Variants in JHY observed in about 807,000 individuals in gnomAD.
JHY encodes the protein junctional cadherin complex regulator, also known as jhy protein homolog.
Under a neutral mutation model 78.0 loss-of-function variants are expected in JHY, and 69 were observed. That is an observed-to-expected ratio of 0.88 (90% CI 0.73 to 1.08). The LOEUF (loss-of-function observed/expected upper bound fraction) is 1.08. Among genes scored for constraint, JHY ranks in the 50% least tolerant of loss-of-function variants. The pLI is 0.00. For missense variants in JHY, 944 were observed against 927.8 expected (o/e 1.02, Z -0.23); for synonymous variants, 368 against 342.6 (o/e 1.07, Z -0.82).
At chr11:122,897,285 C>T (rs1194534498) in intron 2 of JHY, among the ~76,000 whole-genome samples, 1 of 151,896 alleles carries the variant, frequency 6.6e-6, no homozygotes, top group Non-Finnish European at 1.5e-5. Context: ...AGTGCAGTGG[C>T]ACAGTCATGG....
intron 2 of JHY, among the ~76,000 whole-genome samples, chr11:122,895,874 A>G (rs1483493833): frequency 6.6e-6 from 1 of 152,222 alleles, no homozygotes; most frequent in African/African-American, 2.4e-5. Flanking sequence ...CTTCAGTATC[A>G]TGTTCTATTT....
intron 5 of JHY, among the ~76,000 whole-genome samples, chr11:122,944,426 A>G (rs1258250968): frequency 6.6e-6 from 1 of 152,164 alleles, no homozygotes; most frequent in Non-Finnish European, 1.5e-5. Context: ...GTACTTAACT[A>G]GTCTAGCATT....
chr11:122,951,780 A>G (rs1395457176), intron 6 of JHY, among the ~76,000 whole-genome samples: 1 of 152,194 alleles, frequency 6.6e-6, no homozygotes, highest in African/African-American at 2.4e-5. Context: ...ATCTTCCACT[A>G]AAGCAATCAA....
rs1010679878 is a variant in JHY, at chr11:122,962,502, C to G, written c.*3057C>G. On this transcript the variant is annotated 3_prime_UTR_variant, in exon 9 of 9. Transcript: ENST00000227349. The stretch of plus-strand genomic sequence containing the variant: ...AAAATGTAATATATGAGGCATTAGA[C>G]AGGAAAATCACAGGCCAAAACTACT... Among the ~76,000 whole-genome samples the G allele has an allele frequency of 6.6e-6, 1 of 152,090 alleles. No individual in the cohort carries two copies. The highest frequency in any genetic ancestry group is 1.5e-5 in the Non-Finnish European group (1 of 68,020).
At chr11:122,942,757 T>C (rs1863899466) in intron 5 of JHY, among the ~76,000 whole-genome samples, 1 of 152,216 alleles carries the variant, frequency 6.6e-6, no homozygotes, top group African/African-American at 2.4e-5. Flanking sequence ...AGCTCATTAT[T>C]TCTAAGGCTT....
intron 3 of JHY, chr11:122,905,287 C>CA: frequency 6.2e-7 from 1 of 1,612,788 alleles, no homozygotes; most frequent in Non-Finnish European, 8.5e-7. Flanking sequence ...CTCCTATGGA[C>CA]ATGTCCAGGG....
At chr11:122,941,416 A>G (rs1481647993) in intron 5 of JHY, among the ~76,000 whole-genome samples, 1 of 152,210 alleles carries the variant, frequency 6.6e-6, no homozygotes, top group Non-Finnish European at 1.5e-5. Flanking sequence ...ACCTTAGTTT[A>G]CCAAAACATC....
intron 4 of JHY, among the ~76,000 whole-genome samples, chr11:122,932,487 G>A (rs1469070179): frequency 2.0e-5 from 3 of 152,270 alleles, no homozygotes; most frequent in East Asian, 3.9e-4. Flanking sequence ...TGAGAAGTAA[G>A]TATTTTCTTT....
Position 122,904,023 on chromosome 11 carries a change from C to G in JHY, c.443C>G (p.Pro148Arg), listed in dbSNP as rs1450781444. 4.3e-6 allele frequency: 7 copies of G among 1,613,990 alleles called. No individual in the cohort carries two copies. The highest frequency in any genetic ancestry group is 1.3e-5 in the African/African-American group (1 of 74,900). The change falls in exon 3 of 9, where the codon CCG (proline) becomes CGG (arginine). Residue 148 changes from proline to arginine, a missense_variant. Physicochemically the swap from Pro to Arg is moderately radical, Grantham distance 103. Coordinates refer to ENST00000227349, the MANE Select transcript of JHY (RefSeq NM_024806.4). Reference sequence around the variant, plus strand: ...CAGCTGCTGTCTGTGGAAGCGTTGCCGGAGTCCACGGACAGCTCTTTAGAA... The same window carrying G: ...CAGCTGCTGTCTGTGGAAGCGTTGCGGGAGTCCACGGACAGCTCTTTAGAA... Reference protein sequence around the residue: ...EGQLLSVEALPESTDSSLENL... With the variant: ...EGQLLSVEALRESTDSSLENL...
chr11:122,921,658 C>A (rs1863368870), intron 3 of JHY, among the ~76,000 whole-genome samples: 1 of 152,108 alleles, frequency 6.6e-6, no homozygotes, highest in Admixed American at 6.5e-5. Context: ...TCTAGTGTTT[C>A]ATCTTGAACT....
At chr11:122,911,675 G>A (rs1863128221) in intron 3 of JHY, among the ~76,000 whole-genome samples, 1 of 151,966 alleles carries the variant, frequency 6.6e-6, no homozygotes, top group South Asian at 2.1e-4. Context: ...GGAGGCCAAG[G>A]CAGGCAGATC....
chr11:122,932,973 A>G (rs1390977288), intron 4 of JHY, among the ~76,000 whole-genome samples: 1 of 152,206 alleles, frequency 6.6e-6, no homozygotes, highest in Non-Finnish European at 1.5e-5. Context: ...TCTCAAAAGA[A>G]CAGCTTCTAA....
intron 5 of JHY, among the ~76,000 whole-genome samples, chr11:122,940,116 T>C (rs1863842895): frequency 6.6e-6 from 1 of 151,750 alleles, no homozygotes; most frequent in African/African-American, 2.4e-5. Context: ...AGGCGGTGGA[T>C]CACTTGAGGT....
At chr11:122,905,185 T>C in intron 3 of JHY, 5 of 1,613,830 alleles carry the variant, frequency 3.1e-6, no homozygotes, top group Non-Finnish European at 4.2e-6. Flanking sequence ...ATTTTGAGAG[T>C]AAATTCTCTC....
chr11:122,897,524 A>C (rs1014055838), intron 2 of JHY, among the ~76,000 whole-genome samples: 1 of 152,240 alleles, frequency 6.6e-6, no homozygotes, highest in African/African-American at 2.4e-5. Context: ...GAGCTACCAC[A>C]CCTGGCCAGT....
intron 6 of JHY, among the ~76,000 whole-genome samples, chr11:122,952,545 T>C (rs1284618285): frequency 6.6e-6 from 1 of 152,156 alleles, no homozygotes; most frequent in Non-Finnish European, 1.5e-5. Context: ...GATCACCCTT[T>C]AGGCCACACT....
intron 6 of JHY, among the ~76,000 whole-genome samples, chr11:122,952,806 C>T (rs967438668): frequency 2.6e-5 from 4 of 152,188 alleles, no homozygotes; most frequent in Non-Finnish European, 4.4e-5. Flanking sequence ...ATGACTTGGA[C>T]ATGAGCAGGG....
intron 2 of JHY, among the ~76,000 whole-genome samples, chr11:122,895,954 C>T (rs946830518): frequency 6.6e-6 from 1 of 152,104 alleles, no homozygotes; most frequent in African/African-American, 2.4e-5. Flanking sequence ...ACATAACCTC[C>T]TATTTGTCTC....
chr11:122,934,152 T>G (rs549877901), intron 4 of JHY, among the ~76,000 whole-genome samples: 13 of 152,092 alleles, frequency 8.5e-5, no homozygotes, highest in African/African-American at 2.9e-4. Flanking sequence ...CTTTCAGTTC[T>G]ATGGTCACCT....
Sources: gnomAD v4.1 joint callset for allele counts (sites outside exome capture counted in the v4.1 genomes callset) on GRCh38, gnomAD v4.1.1 for gene constraint, MANE v1.5 for transcripts, NCBI Gene and HGNC (gene_info 2026-07-23, HGNC 2026-07-21) for gene names.